POU2F1: variants seen among roughly 807,000 people sequenced by gnomAD.
The protein encoded by POU2F1 is POU domain, class 2, transcription factor 1.
POU2F1 carries 16 observed loss-of-function variants against 84.9 expected under a neutral mutation model. The ratio of observed to expected loss-of-function variants is 0.19; its 90% CI spans 0.13 to 0.29. The LOEUF is 0.29. Ranked by LOEUF, POU2F1 falls within the 10% of genes least tolerant of loss-of-function variation. The pLI, the probability that POU2F1 is intolerant of heterozygous loss-of-function variation, is 1.00. For missense variants in POU2F1, 738 were observed against 942.6 expected (o/e 0.78, Z 2.84); for synonymous variants, 368 against 368.3 (o/e 1.00, Z 0.01).
At chr1:167,408,407 A>G (rs972182935) in intron 13 of POU2F1, among the ~76,000 whole-genome samples, 2 of 152,222 alleles carry the variant, frequency 1.3e-5, no homozygotes, top group African/African-American at 4.8e-5. Flanking sequence ...CTTCAATGTG[A>G]ATGTTTATAT....
intron 13 of POU2F1, among the ~76,000 whole-genome samples, chr1:167,407,140 C>T (rs1303327623): frequency 6.6e-6 from 1 of 152,092 alleles, no homozygotes; most frequent in Non-Finnish European, 1.5e-5. Context: ...AAGCAGTCCT[C>T]CCACTTCAGC....
intron 1 of POU2F1, among the ~76,000 whole-genome samples, chr1:167,295,186 C>T (rs1313766785): frequency 6.6e-6 from 1 of 151,658 alleles, no homozygotes; most frequent in African/African-American, 2.4e-5. Flanking sequence ...GGGTATCTAC[C>T]CAGAGGAAAA....
intron 1 of POU2F1, among the ~76,000 whole-genome samples, chr1:167,265,689 C>T (rs150406616): frequency 1.3e-5 from 2 of 151,804 alleles, no homozygotes; most frequent in East Asian, 3.9e-4. Flanking sequence ...TCTTGCCGTA[C>T]CCTCCCCCAC....
intron 1 of POU2F1, among the ~76,000 whole-genome samples, chr1:167,223,360 T>C (rs1274555299): frequency 6.6e-6 from 1 of 152,198 alleles, no homozygotes; most frequent in Non-Finnish European, 1.5e-5. Context: ...TTTTACTGTT[T>C]AGAGGAAACA....
chr1:167,322,739 C>T (rs1209366275), intron 1 of POU2F1, among the ~76,000 whole-genome samples: 1 of 152,184 alleles, frequency 6.6e-6, no homozygotes, highest in African/African-American at 2.4e-5. Context: ...ACAAACAAAG[C>T]TTTACCCACA....
intron 3 of POU2F1, among the ~76,000 whole-genome samples, chr1:167,366,642 G>A (rs1245935323): frequency 6.6e-6 from 1 of 152,020 alleles, no homozygotes; most frequent in African/African-American, 2.4e-5. Flanking sequence ...TTTTGCTCAG[G>A]CACATAGCTT....
chr1:167,335,428 T>C (rs911340298), intron 2 of POU2F1, among the ~76,000 whole-genome samples: 3 of 152,010 alleles, frequency 2.0e-5, no homozygotes, highest in Non-Finnish European at 4.4e-5. Context: ...GAGAAAGAAA[T>C]ACAATTAATT....
chr1:167,253,674 G>A (rs1192825237), intron 1 of POU2F1, among the ~76,000 whole-genome samples: 2 of 151,970 alleles, frequency 1.3e-5, no homozygotes, highest in African/African-American at 4.8e-5. Flanking sequence ...TGATCCGCCG[G>A]CCTTGACCTC....
At chr1:167,363,791 T>C (rs761492135) in intron 2 of POU2F1, among the ~76,000 whole-genome samples, 56 of 152,256 alleles carry the variant, frequency 3.7e-4, no homozygotes, top group Admixed American at 1.3e-3. Flanking sequence ...TTTATAATTA[T>C]CTCAAGGAAA....
chr1:167,228,065 G>A (rs1648772019), intron 1 of POU2F1, among the ~76,000 whole-genome samples: 1 of 152,182 alleles, frequency 6.6e-6, no homozygotes, highest in African/African-American at 2.4e-5. Flanking sequence ...GTCAGAGAAG[G>A]CTTTATGTAG....
intron 2 of POU2F1, chr1:167,338,014 T>G (rs1220228772): frequency 2.5e-6 from 1 of 401,118 alleles, no homozygotes; most frequent in Non-Finnish European, 4.9e-6. Context: ...AAGCACATGG[T>G]GGAAGAAGGA....
chr1:167,243,789 T>C (rs1287233923), intron 1 of POU2F1, among the ~76,000 whole-genome samples: 3 of 152,210 alleles, frequency 2.0e-5, no homozygotes, highest in Admixed American at 6.5e-5. Context: ...ACTCTTTTCT[T>C]GAATTAAGTT....
At chr1:167,237,851 C>T (rs1324806687) in intron 1 of POU2F1, among the ~76,000 whole-genome samples, 3 of 133,950 alleles carry the variant, frequency 2.2e-5, no homozygotes, top group African/African-American at 8.5e-5. Context: ...GTGATCTCGG[C>T]TCACTTCAGC....
chr1:167,338,007 C>T (rs1657584981), intron 2 of POU2F1: 1 of 394,970 alleles, frequency 2.5e-6, no homozygotes, highest in Non-Finnish European at 5.0e-6. Flanking sequence ...GAAACTAAAG[C>T]ACATGGTGGA....
chr1:167,309,574 A>G (rs1436798662), intron 1 of POU2F1, among the ~76,000 whole-genome samples: 1 of 152,148 alleles, frequency 6.6e-6, no homozygotes, highest in Non-Finnish European at 1.5e-5. Flanking sequence ...TTATGAAAAA[A>G]AGTTCATTTT....
At chr1:167,310,739 T>TTC (rs1335694171) in intron 1 of POU2F1, among the ~76,000 whole-genome samples, 8 of 152,154 alleles carry the variant, frequency 5.3e-5, no homozygotes, top group Admixed American at 4.6e-4. Context: ...AGTGAGTAAT[T>TTC]ATGGACACAC....
intron 9 of POU2F1, among the ~76,000 whole-genome samples, chr1:167,391,758 A>G (rs1648428292): frequency 1.3e-5 from 2 of 150,904 alleles, no homozygotes; most frequent in South Asian, 4.2e-4. Context: ...AGGTCTTGTC[A>G]TGTTGCCCAA....
intron 1 of POU2F1, among the ~76,000 whole-genome samples, chr1:167,314,996 C>T (rs1655783553): frequency 6.6e-6 from 1 of 152,098 alleles, no homozygotes; most frequent in Admixed American, 6.6e-5. Flanking sequence ...CCCCACTCCC[C>T]AGTCTCTGTC....
At chr1:167,361,623 G>C (rs149809318) in intron 2 of POU2F1, among the ~76,000 whole-genome samples, 32 of 152,114 alleles carry the variant, frequency 2.1e-4, no homozygotes, top group African/African-American at 7.2e-4. Context: ...ATGTTGGCCT[G>C]TAGTTTCCTT....
Sources: allele counts gnomAD v4.1 joint callset (sites outside exome capture counted in the v4.1 genomes callset), GRCh38; gene constraint gnomAD v4.1.1; transcripts MANE v1.5; gene names NCBI Gene and HGNC (gene_info 2026-07-23, HGNC 2026-07-21).